SLC30A8: variants seen among roughly 807,000 people sequenced by gnomAD.
SLC30A8 encodes proton-coupled zinc antiporter SLC30A8.
Under a neutral mutation model 36.9 loss-of-function variants are expected in SLC30A8, and 27 were observed. That is an observed-to-expected ratio of 0.73 (90% confidence interval 0.54 to 1.01). The LOEUF is 1.01. Among genes scored for constraint, SLC30A8 ranks in the 50% least tolerant of loss-of-function variants. The pLI, the probability that SLC30A8 is intolerant of heterozygous loss-of-function variation, is 0.00. For synonymous variants in SLC30A8, 164 were observed against 172.4 expected (o/e 0.95, Z 0.38); for missense variants, 439 against 452.0 (o/e 0.97, Z 0.26).
At chr8:117,021,459 A>C (rs1348932398) in intron 1 of SLC30A8, among the ~76,000 whole-genome samples, 2 of 152,194 alleles carry the variant, frequency 1.3e-5, no homozygotes, top group Non-Finnish European at 2.9e-5. Context: ...TACAAAAACA[A>C]AAACTGCAAG....
At chr8:117,085,160 T>G (rs985741403) in intron 2 of SLC30A8, among the ~76,000 whole-genome samples, 1 of 152,178 alleles carries the variant, frequency 6.6e-6, no homozygotes, top group Non-Finnish European at 1.5e-5. Context: ...TTCTATTTGT[T>G]GAGCAGTTGC....
chr8:117,097,071 A>G (rs1211376055), intron 2 of SLC30A8, among the ~76,000 whole-genome samples: 1 of 151,998 alleles, frequency 6.6e-6, no homozygotes, highest in African/African-American at 2.4e-5. Context: ...AGAGGGAGAG[A>G]GATATTAAAT....
At chr8:117,129,002 A>T (rs1400424332) in intron 2 of SLC30A8, among the ~76,000 whole-genome samples, 1 of 152,052 alleles carries the variant, frequency 6.6e-6, no homozygotes, top group Non-Finnish European at 1.5e-5. Flanking sequence ...CAGTAACGTT[A>T]GTTAAAATGG....
chr8:117,163,312 T>TA, intron 5 of SLC30A8, 113 bp from the exon 6 acceptor site: 2 of 777,242 alleles, frequency 2.6e-6, no homozygotes, highest in East Asian at 2.7e-5. Flanking sequence ...GTCAAAAGGG[T>TA]AAATGAGTGA....
intron 2 of SLC30A8, among the ~76,000 whole-genome samples, chr8:117,150,681 C>T (rs939981554): frequency 2.0e-5 from 3 of 152,146 alleles, no homozygotes; most frequent in African/African-American, 7.2e-5. Context: ...TCTTGGCTCA[C>T]TGCAAGCTCC....
intron 2 of SLC30A8, among the ~76,000 whole-genome samples, chr8:117,066,492 G>A (rs1586462927): frequency 6.6e-6 from 1 of 152,166 alleles, no homozygotes; most frequent in African/African-American, 2.4e-5. Context: ...TAACAGAAAA[G>A]TGATTTTTTT....
intron 1 of SLC30A8, among the ~76,000 whole-genome samples, chr8:116,960,881 C>T (rs770370549): frequency 3.0e-4 from 46 of 152,022 alleles, no homozygotes; most frequent in Non-Finnish European, 1.5e-4. Flanking sequence ...ATGTGAAAGA[C>T]CCTAATGTTT....
At chr8:117,014,525 A>G (rs1442872175) in intron 1 of SLC30A8, among the ~76,000 whole-genome samples, 1 of 152,190 alleles carries the variant, frequency 6.6e-6, no homozygotes, top group Admixed American at 6.5e-5. Flanking sequence ...TTTAGATCTG[A>G]AAAATATAGG....
At chr8:117,140,606 TA>T (rs557736606) in intron 1 of SLC30A8, among the ~76,000 whole-genome samples, 1 of 151,974 alleles carries the variant, frequency 6.6e-6, no homozygotes, top group Non-Finnish European at 1.5e-5. Context: ...TTTAAAGCTG[TA>T]AAAGAAAAAG....
intron 2 of SLC30A8, among the ~76,000 whole-genome samples, chr8:117,106,538 T>G (rs561645989): frequency 6.6e-6 from 1 of 152,304 alleles, no homozygotes; most frequent in African/African-American, 2.4e-5. Flanking sequence ...TTTAGAGTTG[T>G]TTTTCTTTTG....
In SLC30A8 at chr8:116,986,398, G is replaced by A. The variant is rs928230834; in HGVS notation, c.-266+35279G>A. ...TAGTCTCCTGGTTGGGGAATCAGGC[G>A]GAGACAGGAGGTCACACTAAATCCC... On this transcript the variant is annotated intron_variant, in intron 1 of 10. Coordinates refer to the SLC30A8 transcript ENST00000427715. 2.0e-5 allele frequency among the ~76,000 whole-genome samples: 3 copies of A among 152,212 alleles called. No individual in the cohort carries two copies. The East Asian group carries it at 5.8e-4, about 29-fold the overall frequency.
chr8:117,076,772 T>A (rs201353511), intron 2 of SLC30A8, among the ~76,000 whole-genome samples: 8,033 of 147,386 alleles, frequency 0.055, 271 homozygotes, highest in East Asian at 0.12. Flanking sequence ...AAATAGTCAT[T>A]TTTTTTTTTT....
chr8:117,025,206 A>C (rs925389134), intron 1 of SLC30A8, among the ~76,000 whole-genome samples: 6 of 152,204 alleles, frequency 3.9e-5, no homozygotes, highest in African/African-American at 1.4e-4. Flanking sequence ...TGTGTGCTCC[A>C]TGAAACACTA....
At chr8:117,088,841 T>C (rs1360002739) in intron 2 of SLC30A8, among the ~76,000 whole-genome samples, 1 of 152,172 alleles carries the variant, frequency 6.6e-6, no homozygotes, top group Admixed American at 6.5e-5. Flanking sequence ...TTAGATGACG[T>C]TGGTTGGTAG....
intron 2 of SLC30A8, among the ~76,000 whole-genome samples, chr8:117,089,580 G>A (rs1819023117): frequency 6.6e-6 from 1 of 152,044 alleles, no homozygotes; most frequent in Admixed American, 6.6e-5. Flanking sequence ...TGCCTCCATT[G>A]GCAGTCATTA....
intron 1 of SLC30A8, among the ~76,000 whole-genome samples, chr8:117,142,561 T>C (rs1821702174): frequency 6.6e-6 from 1 of 152,174 alleles, no homozygotes; most frequent in Non-Finnish European, 1.5e-5. Context: ...GGGACACCTA[T>C]GTAGTTTTCT....
chr8:117,009,538 A>G (rs1259095365), intron 1 of SLC30A8, among the ~76,000 whole-genome samples: 1 of 152,190 alleles, frequency 6.6e-6, no homozygotes. Flanking sequence ...TGGGGACTCA[A>G]TGAATATTAA....
intron 1 of SLC30A8, among the ~76,000 whole-genome samples, chr8:117,028,413 C>T (rs17745041): frequency 6.6e-6 from 1 of 151,880 alleles, no homozygotes; most frequent in African/African-American, 2.4e-5. Flanking sequence ...AAACATGGCA[C>T]TGTTGCCCCT....
chr8:117,086,998 G>A (rs1450042904), intron 2 of SLC30A8, among the ~76,000 whole-genome samples: 1 of 152,196 alleles, frequency 6.6e-6, no homozygotes, highest in African/African-American at 2.4e-5. Context: ...CTGGCTGTAT[G>A]TATATAGGCA....
Sources: allele counts gnomAD v4.1 joint callset (sites outside exome capture counted in the v4.1 genomes callset), GRCh38; gene constraint gnomAD v4.1.1; transcripts MANE v1.5; gene names NCBI Gene and HGNC (gene_info 2026-07-23, HGNC 2026-07-21).